DDB1: variants seen among roughly 807,000 people sequenced by gnomAD.
DDB1 encodes the protein damage specific DNA binding protein 1, also known as DNA damage-binding protein 1.
A neutral mutation model predicts 133.1 loss-of-function variants in DDB1; 18 were observed. That is an observed-to-expected ratio of 0.14 (90% confidence interval 0.09 to 0.20). The LOEUF is 0.20. Ranked by LOEUF, DDB1 falls within the 10% of genes least tolerant of loss-of-function variation. The pLI, the probability that DDB1 is intolerant of heterozygous loss-of-function variation, is 1.00. For missense variants in DDB1, 828 were observed against 1,459.2 expected, an observed-to-expected ratio of 0.57 and a Z score of 7.05; for synonymous variants, 580 against 550.5, an observed-to-expected ratio of 1.05 and a Z score of -0.75.
At chr11:61,303,809 T>C (rs1419305751) in intron 22 of DDB1, 56 bp downstream of exon 22, 15 of 1,591,892 alleles carry the variant, frequency 9.4e-6, no homozygotes, top group East Asian at 4.5e-5. Context: ...CCAGAGACAC[T>C]TGCAGGGGCG....
At chr11:61,309,114 C>A (rs1258024058) in intron 20 of DDB1, 37 bp from the exon 21 acceptor site, 3 of 1,589,396 alleles carry the variant, frequency 1.9e-6, no homozygotes, top group Non-Finnish European at 1.7e-6. Flanking sequence ...TCTCTATGAG[C>A]CCACACTTTA....
chr11:61,329,851 T>C lies in DDB1; in HGVS notation c.327+107A>G, dbSNP rs1856336698. On this transcript the variant is annotated intron_variant, in intron 3 of 26. Transcript: ENST00000301764. ...AGCTCAAACCCATAGTGTCTTCTCC[T>C]TATTTCTCTGATCGAATAGAGAGCT... The C allele has an allele frequency of 8.9e-6, 9 of 1,006,684 alleles. No individual in the cohort carries two copies. The South Asian group carries it at 1.4e-4, about 15-fold the overall frequency. The allele number at this position is 1,006,684 out of a possible 1,614,324, so 62.4% of individuals were successfully genotyped here.
chr11:61,303,383 G>A, intron 22 of DDB1: 1 of 476,792 alleles, frequency 2.1e-6, no homozygotes, highest in Non-Finnish European at 3.8e-6. Context: ...TTTGAGTTGG[G>A]AGTCTCTAAA....
intron 5 of DDB1, chr11:61,326,269 C>T (rs1037687027): frequency 2.3e-5 from 5 of 220,854 alleles, no homozygotes; most frequent in Non-Finnish European, 4.5e-5. Flanking sequence ...GTTTCTTCAT[C>T]TATGAGGTAA....
chr11:61,319,722 G>A (rs754970208), intron 10 of DDB1, among the ~76,000 whole-genome samples: 8 of 152,152 alleles, frequency 5.3e-5, no homozygotes, highest in East Asian at 1.9e-4. Flanking sequence ...GAGGCATTGC[G>A]CCCGGCCTCT....
chr11:61,311,545 G>A (rs1855972014), intron 18 of DDB1, among the ~76,000 whole-genome samples: 1 of 152,110 alleles, frequency 6.6e-6, no homozygotes. Context: ...CCAAACTGAT[G>A]GTGACAGATG....
At position 61,330,033 on chromosome 11, in the gene DDB1, G is replaced by A. The variant is rs144680039; in HGVS notation, c.252C>T (p.Tyr84=). 9 of 1,613,666 alleles carry A rather than the reference G, an allele frequency of 5.6e-6. No homozygotes were observed. The highest frequency in any genetic ancestry group is 7.6e-6 in the Non-Finnish European group (9 of 1,179,756). ...GTTTATACTCCAGGATGCAGGCATT[G>A]TACTTCGCTGTCAAGATAAACAGCA... is the stretch of plus-strand genomic sequence containing the variant. ...KDLLFILTAK[Y]NACILEYKQS... Residue 84 remains tyrosine (Y), a synonymous_variant, in exon 3 of 27, where the codon TAC becomes TAT. Transcript: ENST00000301764.
intron 10 of DDB1, among the ~76,000 whole-genome samples, chr11:61,319,329 CATTAG>C (rs1856138748): frequency 6.6e-6 from 1 of 152,206 alleles, no homozygotes; most frequent in African/African-American, 2.4e-5. Flanking sequence ...TGAATCTGCC[CATTAG>C]ACTCTGCCTA....
At chr11:61,330,365 C>G (rs924436743) in intron 2 of DDB1, among the ~76,000 whole-genome samples, 3 of 152,168 alleles carry the variant, frequency 2.0e-5, no homozygotes, top group African/African-American at 7.2e-5. Context: ...TCTCAATCAT[C>G]CCATTCAAAT....
At chr11:61,314,919 T>G (rs1177286741) in intron 12 of DDB1, 1 of 138,624 alleles carries the variant, frequency 7.2e-6, no homozygotes, top group Non-Finnish European at 1.5e-5. Context: ...AACCTACGCC[T>G]CCCAGGTTCA....
intron 5 of DDB1, 106 bp from the exon 6 acceptor site, chr11:61,325,814 T>C: frequency 1.2e-6 from 1 of 844,530 alleles, no homozygotes; most frequent in East Asian, 2.6e-5. Context: ...TTTAAGGTCA[T>C]CATTATTTTA....
At chr11:61,304,889 A>T (rs1855860634) in intron 21 of DDB1, among the ~76,000 whole-genome samples, 1 of 151,938 alleles carries the variant, frequency 6.6e-6, no homozygotes, top group Non-Finnish European at 1.5e-5. Context: ...AAAAAAAAAA[A>T]AAGGAAAAAA....
intron 5 of DDB1, 105 bp from the exon 6 acceptor site, chr11:61,325,813 A>T: frequency 1.2e-6 from 1 of 848,066 alleles, no homozygotes; most frequent in Non-Finnish European, 2.0e-6. Flanking sequence ...CTTTAAGGTC[A>T]TCATTATTTT....
In DDB1 at chr11:61,311,891, T is replaced by C. The variant is rs917618830; in HGVS notation, c.2170A>G (p.Ile724Val). The change falls in exon 18 of 27, where the codon ATC becomes GTC. Residue 724 changes from isoleucine to valine, a missense_variant. Around this residue, in one of 7 missense-constraint regions of DDB1, gnomAD observed 396 missense variants for 554.1 expected, o/e 0.71. Coordinates refer to ENST00000301764, the MANE Select transcript of DDB1 (RefSeq NM_001923.5). ...TVPLYESPRK[I>V]CYQEVSQCFG... Reference sequence around the variant, plus strand: ...CACTGGGACACTTCCTGGTAGCAGATCTTCCTGCAGAACAAGTACAGAACA... The same window carrying C: ...CACTGGGACACTTCCTGGTAGCAGACCTTCCTGCAGAACAAGTACAGAACA... 1 of 1,614,174 alleles carries C rather than the reference T, an allele frequency of 6.2e-7. No homozygotes were observed. Among genetic ancestry groups the C allele is most frequent in the South Asian group, 1.1e-5 (1 of 91,090 alleles).
chr11:61,312,020 T>G lies in DDB1; in HGVS notation c.2134A>C (p.Ile712Leu), dbSNP rs765385212. 3 of 1,614,104 alleles carry G rather than the reference T, an allele frequency of 1.9e-6. No homozygotes were observed. The highest frequency in any genetic ancestry group is 1.7e-6 in the Non-Finnish European group (2 of 1,180,044). The change falls in exon 17 of 27, where the codon ATT (isoleucine) becomes CTT (leucine). Residue 712 changes from isoleucine (I) to leucine (L), a missense_variant. Coordinates refer to ENST00000301764, the MANE Select transcript of DDB1 (RefSeq NM_001923.5). ...GTIDEIQKLH[I>L]RTVPLYESPR... Reference sequence around the variant, plus strand: ...GACTCATAGAGGGGAACTGTGCGAATGTGCAGCTTCTGGATCTCATCGATG... The same window carrying G: ...GACTCATAGAGGGGAACTGTGCGAAGGTGCAGCTTCTGGATCTCATCGATG...
At chr11:61,301,891 T>C (rs1855801888) in intron 25 of DDB1, 1 of 173,774 alleles carries the variant, frequency 5.8e-6, no homozygotes, top group Non-Finnish European at 1.2e-5. Flanking sequence ...GTAGTTTCTC[T>C]AGTCTCAGAC....
chr11:61,321,859 A>G, intron 9 of DDB1, 162 bp from the exon 10 acceptor site: 1 of 640,972 alleles, frequency 1.6e-6, no homozygotes, highest in East Asian at 2.7e-5. Flanking sequence ...AAAGTCTTTC[A>G]AATTTACAGA....
In DDB1 at chr11:61,312,139, T is replaced by C. The variant is rs531484874; in HGVS notation, c.2070-55A>G. 90 of 1,514,674 alleles carry C rather than the reference T, an allele frequency of 5.9e-5. No individual in the cohort carries two copies. In the African/African-American group the frequency reaches 1.1e-3, roughly 19 times the overall value. The allele number at this position is 1,514,674 out of a possible 1,614,324, so 93.8% of individuals were successfully genotyped here. ...GGAGACTCAAGGAAGGCAAAGATTC[T>C]ATGAGGCAACTCCACAGAGGAAGAA... On this transcript the variant is annotated intron_variant, in intron 16 of 26. Coordinates refer to ENST00000301764, the MANE Select transcript of DDB1 (RefSeq NM_001923.5).
intron 1 of DDB1, chr11:61,332,478 G>T (rs994926058): frequency 8.1e-5 from 13 of 160,724 alleles, no homozygotes; most frequent in Admixed American, 7.1e-4. Context: ...CCCTCTGTGG[G>T]ATAATGCGGG....
Sources: allele counts gnomAD v4.1 joint callset (sites outside exome capture counted in the v4.1 genomes callset), GRCh38; gene constraint gnomAD v4.1.1; regional missense constraint gnomAD v4.1.1; transcripts MANE v1.5; gene names NCBI Gene and HGNC (gene_info 2026-07-23, HGNC 2026-07-21).